Variants in KLHDC4 observed in about 807,000 individuals in gnomAD.
KLHDC4 encodes the protein kelch domain containing 4, also known as kelch domain-containing protein 4.
In KLHDC4, 90 loss-of-function variants were observed where a neutral mutation model predicts 62.4. That is an observed-to-expected ratio of 1.44 (90% CI 1.22 to 1.72). The LOEUF (loss-of-function observed/expected upper bound fraction) is 1.72, where lower values mean the gene tolerates loss of function less well. KLHDC4 is among the 40% of genes most tolerant of loss of function. KLHDC4 has a pLI of 0.00. For missense variants in KLHDC4, 1,025 were observed against 699.7 expected (o/e 1.47, Z -5.25); for synonymous variants, 386 against 284.4 (o/e 1.36, Z -3.59).
downstream of KLHDC4, among the ~76,000 whole-genome samples, chr16:87,706,522 C>T (rs1388167377): frequency 2.0e-5 from 3 of 152,206 alleles, no homozygotes; most frequent in African/African-American, 7.2e-5. Flanking sequence ...AGCACTGCCA[C>T]CCACATCCAG....
At position 87,730,516 on chromosome 16, in the gene KLHDC4, T is replaced by G; in HGVS notation, c.599+36A>C. ...TATAAAAAGCCCACTCCTTAATGCT[T>G]CAGGAGAGAAAGATTTTTCCGTTCT... On this transcript the variant is annotated intron_variant, in intron 6 of 11. Transcript: ENST00000270583. 3 of 1,547,162 alleles carry G rather than the reference T, an allele frequency of 1.9e-6. No individual in the cohort carries two copies. In the African/African-American group the frequency reaches 4.1e-5, roughly 21 times the overall value.
intron 2 of KLHDC4, among the ~76,000 whole-genome samples, chr16:87,758,148 A>C (rs2045285061): frequency 6.6e-6 from 1 of 152,234 alleles, no homozygotes; most frequent in Non-Finnish European, 1.5e-5. Context: ...GAAACATGTC[A>C]TAGGCTGGGA....
exon 1 of KLHDC4, chr16:87,698,932 G>GC (rs1379464773): frequency 6.6e-6 from 1 of 152,258 alleles, no homozygotes; most frequent in African/African-American, 2.4e-5. Flanking sequence ...GCCATTTTCC[G>GC]CCCCAATAGC....
rs1002440351 is a variant in KLHDC4 at position 87,765,934 on chromosome 16, G to T, written c.-44C>A. 2.6e-6 allele frequency: 4 copies of T among 1,530,408 alleles called. No individual in the cohort carries two copies. The East Asian group carries it at 7.4e-5, about 28-fold the overall frequency. 94.8% of individuals were successfully genotyped at this position (1,530,408 alleles called of 1,614,324 possible). On this transcript the variant is annotated 5_prime_UTR_variant, in exon 1 of 12. Coordinates refer to ENST00000270583, the MANE Select transcript of KLHDC4 (RefSeq NM_017566.4). ...GCGACGGGACACCAGGAAAGAAAAC[G>T]GCCCGCGCTCTCCGCTCGGAAACAG... is the stretch of plus-strand genomic sequence containing the variant.
intron 7 of KLHDC4, among the ~76,000 whole-genome samples, chr16:87,718,284 GCTCTCC>G (rs201899900): frequency 0.014 from 1,781 of 128,516 alleles, 27 homozygotes; most frequent in Non-Finnish European, 0.019. Context: ...ATTCGCTCTC[GCTCTCC>G]CTCTCCCTCT....
At chr16:87,700,535 GGAGGGCAGAAGAA>G (rs1369845662) in exon 1 of KLHDC4, 1 of 166,138 alleles carries the variant, frequency 6.0e-6, no homozygotes, top group African/African-American at 2.4e-5. Context: ...GGTGGAGGGA[GGAGGGCAGAAGAA>G]GAGGGCAGAG....
intron 5 of KLHDC4, among the ~76,000 whole-genome samples, chr16:87,735,466 C>T (rs60706502): frequency 0.062 from 9,439 of 152,292 alleles, 964 homozygotes; most frequent in African/African-American, 0.21. Context: ...CCCCCCGCTG[C>T]CCTAACTGCG....
rs35356541 is a variant in KLHDC4 at position 87,764,830 on chromosome 16, C to CAA, written c.99+960_99+961dup. Among the ~76,000 whole-genome samples, 143 of 80,460 alleles carry CAA rather than the reference C, an allele frequency of 1.8e-3. 1 individual carries two copies. Among genetic ancestry groups the CAA allele is most frequent in the African/African-American group, 5.4e-3 (122 of 22,468 alleles). 52.8% of individuals were successfully genotyped at this position (80,460 alleles called of 152,430 possible). On this transcript the variant is annotated intron_variant, in intron 1 of 11. Coordinates refer to ENST00000270583, the MANE Select transcript of KLHDC4 (RefSeq NM_017566.4). The stretch of plus-strand genomic sequence containing the variant: ...CCTAGGTGACAGAGCAAGACTCTGT[C>CAA]AAAAAAAAAAAAAAAAAAAAGAAAG...
chr16:87,711,301 G>C lies in KLHDC4; in HGVS notation c.978C>G (p.Gly326=), dbSNP rs761472348. The part of the protein sequence containing the change: ...CDEEEEESLS[G]EFFNDLYFYD... ...AGAAGTACAGATCGTTGAAGAACTC[G>C]CCCGACAGGCTCTCCTCCTCTTCCT... The change falls in exon 9 of 12, where the codon GGC becomes GGG. Residue 326 remains glycine, a synonymous_variant. Coordinates refer to ENST00000270583, the MANE Select transcript of KLHDC4 (RefSeq NM_017566.4). 1.2e-6 allele frequency: 2 copies of C among 1,614,098 alleles called. No homozygotes were observed. Among genetic ancestry groups the C allele is most frequent in the Non-Finnish European group, 1.7e-6 (2 of 1,180,036 alleles).
At chr16:87,701,750 C>G (rs1307379929) in exon 1 of KLHDC4, 3 of 456,672 alleles carry the variant, frequency 6.6e-6, no homozygotes, top group African/African-American at 6.0e-5. Flanking sequence ...GCCGCCCGCC[C>G]GTCCTCCCAA....
chr16:87,755,219 G>T lies in KLHDC4; in HGVS notation c.344C>A (p.Pro115Gln). ...CTGGTGAGCACAGCGCCTCGGAGGT[G>T]GACTGGGGATGTCAACTTTGGTCCA... The part of the protein sequence containing the change: ...DTWTKVDIPS[P>Q]PPRRCAHQAV... The change falls in exon 4 of 12, where the codon CCA (proline) becomes CAA (glutamine). Residue 115 changes from proline (P) to glutamine (Q), a missense_variant. Physicochemically the swap from Pro to Gln is moderately conservative, Grantham distance 76. Transcript: ENST00000270583. 1.2e-6 allele frequency: 2 copies of T among 1,610,738 alleles called. No homozygotes were observed. The highest frequency in any genetic ancestry group is 1.7e-6 in the Non-Finnish European group (2 of 1,177,044).
chr16:87,735,043 C>A (rs562434467), intron 5 of KLHDC4, among the ~76,000 whole-genome samples: 27 of 138,394 alleles, frequency 2.0e-4, no homozygotes, highest in African/African-American at 2.7e-4. Context: ...CCCTCCCCCC[C>A]AGACGAATTT....
chr16:87,699,812 C>T (rs2034056115), exon 1 of KLHDC4: 1 of 152,358 alleles, frequency 6.6e-6, no homozygotes, highest in South Asian at 2.1e-4. Context: ...GTCCATACTC[C>T]AGGCTCTAAC....
chr16:87,702,291 G>A (rs866877650), exon 1 of KLHDC4: 4 of 456,236 alleles, frequency 8.8e-6, no homozygotes, highest in East Asian at 1.4e-4. Context: ...TTGGCAAGGA[G>A]GGCCGGTCTG....
chr16:87,722,237 G>C (rs748750495), intron 7 of KLHDC4, among the ~76,000 whole-genome samples: 3 of 152,216 alleles, frequency 2.0e-5, no homozygotes, highest in Non-Finnish European at 2.9e-5. Context: ...ACGTGGTTAC[G>C]ATACTGACCA....
chr16:87,743,832 G>T (rs1383343659), intron 5 of KLHDC4, among the ~76,000 whole-genome samples: 1 of 152,156 alleles, frequency 6.6e-6, no homozygotes, highest in Non-Finnish European at 1.5e-5. Context: ...TACCACCATA[G>T]CCCAGGTTTA....
At chr16:87,753,223 C>A (rs918559552) in intron 4 of KLHDC4, among the ~76,000 whole-genome samples, 2 of 152,218 alleles carry the variant, frequency 1.3e-5, no homozygotes, top group Non-Finnish European at 2.9e-5. Flanking sequence ...GTACACTAAA[C>A]TGCACCCTGG....
At chr16:87,736,585 A>G (rs971566448) in intron 5 of KLHDC4, among the ~76,000 whole-genome samples, 1 of 152,200 alleles carries the variant, frequency 6.6e-6, no homozygotes, top group African/African-American at 2.4e-5. Context: ...TTTTCCGAGT[A>G]TCAAGTCCAT....
At chr16:87,761,923 C>G in intron 2 of KLHDC4, 26 bp downstream of exon 2, 2 of 1,607,262 alleles carry the variant, frequency 1.2e-6, no homozygotes, top group Non-Finnish European at 1.7e-6. Context: ...AGGAAACATA[C>G]AATATGAAAA....
Sources: allele counts gnomAD v4.1 joint callset (sites outside exome capture counted in the v4.1 genomes callset), GRCh38; gene constraint gnomAD v4.1.1; transcripts MANE v1.5; gene names NCBI Gene and HGNC (gene_info 2026-07-23, HGNC 2026-07-21).